ERC2: variants seen among roughly 807,000 people sequenced by gnomAD.
The protein encoded by ERC2 is ERC protein 2.
A neutral mutation model predicts 114.8 loss-of-function variants in ERC2; 42 were observed. The ratio of observed to expected loss-of-function variants is 0.37; its 90% CI spans 0.29 to 0.47. The LOEUF (loss-of-function observed/expected upper bound fraction) is 0.47. Ranked by LOEUF, ERC2 falls within the 20% of genes least tolerant of loss-of-function variation. The pLI is 0.99. For missense variants in ERC2, 939 were observed against 1,150.7 expected, an observed-to-expected ratio of 0.82 and a Z score of 2.66; for synonymous variants, 454 against 425.5, an observed-to-expected ratio of 1.07 and a Z score of -0.82.
chr3:56,017,055 C>T (rs1270796746), intron 8 of ERC2, among the ~76,000 whole-genome samples: 1 of 152,112 alleles, frequency 6.6e-6, no homozygotes, highest in Non-Finnish European at 1.5e-5. Flanking sequence ...TCCCACACTT[C>T]AAAAGTTAAC....
chr3:56,174,927 G>A (rs938062938), intron 3 of ERC2, among the ~76,000 whole-genome samples: 1 of 150,624 alleles, frequency 6.6e-6, no homozygotes, highest in Non-Finnish European at 1.5e-5. Context: ...GCAGTGAGCC[G>A]AGATCACGCC....
At chr3:55,710,079 C>T (rs1007465659) in intron 15 of ERC2, among the ~76,000 whole-genome samples, 2 of 152,148 alleles carry the variant, frequency 1.3e-5, no homozygotes, top group African/African-American at 2.4e-5. Flanking sequence ...CAGAGTTGCC[C>T]GCTGTGCTGT....
intron 17 of ERC2, among the ~76,000 whole-genome samples, chr3:55,628,468 C>G (rs983321383): frequency 2.6e-5 from 4 of 152,110 alleles, no homozygotes; most frequent in African/African-American, 9.7e-5. Flanking sequence ...ATTTTGAAAA[C>G]CATCTCATAT....
At chr3:55,919,721 G>A (rs912183713) in intron 13 of ERC2, among the ~76,000 whole-genome samples, 9 of 152,134 alleles carry the variant, frequency 5.9e-5, no homozygotes, top group Admixed American at 1.3e-4. Context: ...TGACCGACTT[G>A]CAATTTTAGG....
intron 15 of ERC2, among the ~76,000 whole-genome samples, chr3:55,712,120 C>A (rs1175962767): frequency 6.6e-6 from 1 of 152,168 alleles, no homozygotes; most frequent in African/African-American, 2.4e-5. Context: ...TATCTGTGAG[C>A]CCCCTTTTAA....
intron 3 of ERC2, among the ~76,000 whole-genome samples, chr3:56,177,592 C>T (rs1575699427): frequency 6.6e-6 from 1 of 152,244 alleles, no homozygotes; most frequent in Non-Finnish European, 1.5e-5. Context: ...AAATGGTGTG[C>T]ACCATGTCAG....
chr3:55,530,943 C>T (rs908126717), intron 17 of ERC2, among the ~76,000 whole-genome samples: 3 of 152,166 alleles, frequency 2.0e-5, no homozygotes, highest in Non-Finnish European at 4.4e-5. Context: ...ATAATTTGAT[C>T]GGGAGGTCAT....
chr3:55,562,214 T>C (rs1016898680), intron 17 of ERC2, among the ~76,000 whole-genome samples: 2 of 151,866 alleles, frequency 1.3e-5, no homozygotes, highest in Admixed American at 6.6e-5. Flanking sequence ...TGCAATGGTG[T>C]GATCCCTGCT....
rs571020498 is a variant in ERC2, at chr3:56,292,863, C to A, written c.1074+3156G>T. 9.2e-5 allele frequency among the ~76,000 whole-genome samples: 14 copies of A among 152,206 alleles called. No homozygotes were observed. In the East Asian group the frequency reaches 2.7e-3, roughly 29 times the overall value. On this transcript the variant is annotated intron_variant, in intron 3 of 17. Transcript: ENST00000288221. Reference sequence around the variant, plus strand: ...CAGGTCTCAGTTCATACTGTCACCCCCTCCAAGAGGCCTTCCCTGACAACC... The same window carrying A: ...CAGGTCTCAGTTCATACTGTCACCCACTCCAAGAGGCCTTCCCTGACAACC...
intron 3 of ERC2, among the ~76,000 whole-genome samples, chr3:56,175,008 T>C (rs2082897104): frequency 1.3e-5 from 2 of 150,326 alleles, no homozygotes; most frequent in African/African-American, 2.4e-5. Flanking sequence ...GACATGTTAA[T>C]GTAAAAGCTG....
At chr3:56,147,511 C>T (rs958564894) in intron 5 of ERC2, among the ~76,000 whole-genome samples, 3 of 152,176 alleles carry the variant, frequency 2.0e-5, no homozygotes, top group Admixed American at 2.0e-4. Context: ...GAAGTAAACA[C>T]TGGATAAATA....
intron 13 of ERC2, among the ~76,000 whole-genome samples, chr3:55,942,176 G>T (rs1239781190): frequency 1.3e-5 from 2 of 149,406 alleles, no homozygotes; most frequent in African/African-American, 4.9e-5. Flanking sequence ...CTCCCTCTAG[G>T]ATCGTGGGCA....
At chr3:56,429,262 T>C (rs2061694094) in intron 2 of ERC2, among the ~76,000 whole-genome samples, 1 of 152,186 alleles carries the variant, frequency 6.6e-6, no homozygotes, top group Non-Finnish European at 1.5e-5. Context: ...CACCCTCTCA[T>C]CAGCCCTGCC....
At chr3:55,587,278 C>CGA (rs1265499141) in intron 17 of ERC2, among the ~76,000 whole-genome samples, 7 of 152,128 alleles carry the variant, frequency 4.6e-5, no homozygotes, top group African/African-American at 1.7e-4. Flanking sequence ...CTCAGCCTCC[C>CGA]GAGTACCTGA....
chr3:56,343,095 T>C (rs959885124), intron 2 of ERC2, among the ~76,000 whole-genome samples: 1 of 151,896 alleles, frequency 6.6e-6, no homozygotes, highest in Non-Finnish European at 1.5e-5. Flanking sequence ...TCCTTCTCTC[T>C]CAACCAGGTT....
chr3:55,612,248 C>T (rs1437033489), intron 17 of ERC2, among the ~76,000 whole-genome samples: 1 of 152,180 alleles, frequency 6.6e-6, no homozygotes, highest in Non-Finnish European at 1.5e-5. Flanking sequence ...TACTGAAGAA[C>T]TTATCCCAAA....
At chr3:55,543,598 A>G (rs1027340538) in intron 17 of ERC2, among the ~76,000 whole-genome samples, 1 of 152,144 alleles carries the variant, frequency 6.6e-6, no homozygotes, top group African/African-American at 2.4e-5. Context: ...GTGTGTGGTC[A>G]CCTTCACCCT....
chr3:55,923,836 C>T (rs970081826), intron 13 of ERC2, among the ~76,000 whole-genome samples: 2 of 152,116 alleles, frequency 1.3e-5, no homozygotes, highest in African/African-American at 4.8e-5. Context: ...TAATCGATTA[C>T]AGCACTGCCT....
At chr3:55,548,175 C>T (rs995731266) in intron 17 of ERC2, among the ~76,000 whole-genome samples, 1 of 152,240 alleles carries the variant, frequency 6.6e-6, no homozygotes, top group Admixed American at 6.5e-5. Context: ...CCCCTACATT[C>T]CAGGGGTTAC....
Sources: allele counts gnomAD v4.1 joint callset (sites outside exome capture counted in the v4.1 genomes callset), GRCh38; gene constraint gnomAD v4.1.1; transcripts MANE v1.5; gene names NCBI Gene and HGNC (gene_info 2026-07-23, HGNC 2026-07-21).